Variants in RBMS3 observed in about 807,000 individuals in gnomAD.
RBMS3 encodes RNA binding motif single stranded interacting protein 3, also known as RNA-binding motif, single-stranded-interacting protein 3.
A neutral mutation model predicts 66.8 loss-of-function variants in RBMS3; 27 were observed. The ratio of observed to expected loss-of-function variants is 0.40; its 90% CI spans 0.30 to 0.56. The LOEUF is 0.56. Ranked by LOEUF, RBMS3 falls within the 20% of genes least tolerant of loss-of-function variation. The probability of loss-of-function intolerance (pLI) is 0.40; values close to 1 mark genes in which losing one functional copy is unlikely to be tolerated. For missense variants in RBMS3, 513 were observed against 549.5 expected, an observed-to-expected ratio of 0.93 and a Z score of 0.66; for synonymous variants, 188 against 183.0, an observed-to-expected ratio of 1.03 and a Z score of -0.22.
intron 3 of RBMS3, among the ~76,000 whole-genome samples, chr3:29,516,209 CAAGT>C (rs2044613141): frequency 6.6e-6 from 1 of 152,118 alleles, no homozygotes; most frequent in African/African-American, 2.4e-5. Flanking sequence ...TGTGGAGAAT[CAAGT>C]AAGATCAGTT....
At chr3:29,339,553 G>C (rs1444412846) in intron 1 of RBMS3, among the ~76,000 whole-genome samples, 1 of 151,482 alleles carries the variant, frequency 6.6e-6, no homozygotes, top group African/African-American at 2.4e-5. Flanking sequence ...ACACTGCAGA[G>C]TGATTAGATC....
At chr3:29,330,342 T>A (rs933850097) in intron 1 of RBMS3, among the ~76,000 whole-genome samples, 1 of 152,180 alleles carries the variant, frequency 6.6e-6, no homozygotes, top group Non-Finnish European at 1.5e-5. Flanking sequence ...GGTTTGTCAC[T>A]CAATAGCTTC....
chr3:29,402,839 G>T (rs1163881153), intron 1 of RBMS3, among the ~76,000 whole-genome samples: 1 of 151,946 alleles, frequency 6.6e-6, no homozygotes, highest in African/African-American at 2.4e-5. Context: ...TGATAAAGAA[G>T]AATTCAAATT....
Position 29,925,563 on chromosome 3 carries a change from C to A in RBMS3, c.940-10523C>A, listed in dbSNP as rs116349513. On this transcript the variant is annotated intron_variant, in intron 10 of 14. Transcript: ENST00000383767. Reference sequence around the variant, plus strand: ...TTATATTAATATTACTAATATTATTCCAAGCTATCTGGCTCTCAAGCAAGA... The same window carrying A: ...TTATATTAATATTACTAATATTATTACAAGCTATCTGGCTCTCAAGCAAGA... Among the ~76,000 whole-genome samples, 852 of 152,126 alleles carry A rather than the reference C, an allele frequency of 5.6e-3. 2 individuals carry two copies. Among genetic ancestry groups the A allele is most frequent in the African/African-American group, 0.02 (813 of 41,480 alleles).
At chr3:29,411,954 C>A (rs2040282854) in intron 1 of RBMS3, among the ~76,000 whole-genome samples, 1 of 152,156 alleles carries the variant, frequency 6.6e-6, no homozygotes, top group Admixed American at 6.5e-5. Context: ...AGTTGAAAAA[C>A]TACATTGTAA....
At chr3:29,448,286 C>A (rs904111514) in intron 2 of RBMS3, among the ~76,000 whole-genome samples, 1 of 152,178 alleles carries the variant, frequency 6.6e-6, no homozygotes, top group African/African-American at 2.4e-5. Context: ...AAGGCTCTCC[C>A]CATTTCAGAA....
intron 4 of RBMS3, among the ~76,000 whole-genome samples, chr3:29,600,052 A>G (rs2048091439): frequency 6.6e-6 from 1 of 152,178 alleles, no homozygotes; most frequent in Non-Finnish European, 1.5e-5. Context: ...TATCAAATGT[A>G]CACTAGTTAA....
intron 6 of RBMS3, among the ~76,000 whole-genome samples, chr3:29,807,175 GT>G (rs1211268654): frequency 3.3e-5 from 5 of 151,856 alleles, no homozygotes; most frequent in African/African-American, 1.2e-4. Context: ...TAACAAAATA[GT>G]AAGAACATAA....
rs554289777 is a variant in RBMS3 at position 30,007,115 on chromosome 3, T to C, written c.*3253T>C. On this transcript the variant is annotated 3_prime_UTR_variant, in exon 15 of 15. Transcript: ENST00000383767. ...GTCTGTTGTCTTACCTAAGACTTGT[T>C]TTGAAGAGCCAAGTCTGGGAGAGAA... The C allele has an allele frequency of 6.6e-6, 1 of 152,154 alleles. No homozygotes were observed. Among genetic ancestry groups the C allele is most frequent in the East Asian group, 1.9e-4 (1 of 5,178 alleles). 9.4% of individuals were successfully genotyped at this position (152,154 alleles called of 1,614,324 possible).
At chr3:29,877,042 A>G (rs561216456) in intron 7 of RBMS3, among the ~76,000 whole-genome samples, 10 of 152,370 alleles carry the variant, frequency 6.6e-5, no homozygotes, top group African/African-American at 2.4e-4. Flanking sequence ...AAGATATTAT[A>G]CCAACATATA....
chr3:29,890,629 G>T (rs2059978235), intron 8 of RBMS3, among the ~76,000 whole-genome samples: 1 of 151,450 alleles, frequency 6.6e-6, no homozygotes, highest in South Asian at 2.1e-4. Context: ...AAAAGAAAAT[G>T]CTCACGTCAT....
intron 6 of RBMS3, among the ~76,000 whole-genome samples, chr3:29,801,975 G>C (rs2057404837): frequency 6.6e-6 from 1 of 152,014 alleles, no homozygotes; most frequent in Admixed American, 6.6e-5. Context: ...TTGACTTTTA[G>C]GATTAAATTG....
At chr3:29,775,850 C>T (rs1331074560) in intron 6 of RBMS3, among the ~76,000 whole-genome samples, 1 of 151,882 alleles carries the variant, frequency 6.6e-6, no homozygotes, top group Non-Finnish European at 1.5e-5. Context: ...AAAAAAATTT[C>T]AGAAATAGTA....
At chr3:29,647,291 T>C (rs957292973) in intron 4 of RBMS3, among the ~76,000 whole-genome samples, 10 of 152,312 alleles carry the variant, frequency 6.6e-5, no homozygotes, top group African/African-American at 2.2e-4. Flanking sequence ...TTTTCTTTTT[T>C]ATCAAATGCT....
At chr3:29,467,151 G>A (rs1391395422) in intron 2 of RBMS3, among the ~76,000 whole-genome samples, 1 of 152,138 alleles carries the variant, frequency 6.6e-6, no homozygotes, top group Non-Finnish European at 1.5e-5. Flanking sequence ...AGACCAAAGT[G>A]CCTTTTGCTT....
intron 1 of RBMS3, among the ~76,000 whole-genome samples, chr3:29,368,960 A>G (rs1324013952): frequency 6.6e-6 from 1 of 152,204 alleles, no homozygotes; most frequent in African/African-American, 2.4e-5. Flanking sequence ...GTACATATAC[A>G]TCATGGAGTA....
chr3:29,315,459 T>C (rs554949332), intron 1 of RBMS3, among the ~76,000 whole-genome samples: 1 of 151,952 alleles, frequency 6.6e-6, no homozygotes, highest in South Asian at 2.1e-4. Flanking sequence ...CACATACATA[T>C]ATTTGTGCAC....
Position 29,786,123 on chromosome 3 carries a change from T to G in RBMS3, c.637+23134T>G, listed in dbSNP as rs9838062. Among the ~76,000 whole-genome samples, 824 of 142,534 alleles carry G rather than the reference T, an allele frequency of 5.8e-3. 9 individuals carry two copies. The highest frequency in any genetic ancestry group is 0.02 in the African/African-American group (790 of 38,958). 93.5% of individuals were successfully genotyped at this position (142,534 alleles called of 152,430 possible). The stretch of plus-strand genomic sequence containing the variant: ...CAAAAAAAAAAAAAAAACTTAGAAA[T>G]GTACCTAAGAACATGAAACACTTCT... On this transcript the variant is annotated intron_variant, in intron 6 of 14. Transcript: ENST00000383767.
intron 3 of RBMS3, among the ~76,000 whole-genome samples, chr3:29,578,549 A>G (rs1402022548): frequency 2.0e-5 from 3 of 152,134 alleles, no homozygotes; most frequent in Admixed American, 1.3e-4. Context: ...TGTGTGACTG[A>G]AGAGCATATT....
Sources: gnomAD v4.1 joint callset for allele counts (sites outside exome capture counted in the v4.1 genomes callset) on GRCh38, gnomAD v4.1.1 for gene constraint, MANE v1.5 for transcripts, NCBI Gene and HGNC (gene_info 2026-07-23, HGNC 2026-07-21) for gene names.